The following TENM4 variants were observed in gnomAD, a reference collection of about 807,000 sequenced individuals.
The protein encoded by TENM4 is teneurin transmembrane protein 4.
A neutral mutation model predicts 243.3 loss-of-function variants in TENM4; 82 were observed. The observed-to-expected ratio is 0.34, with a 90% CI of 0.28 to 0.40. The LOEUF (loss-of-function observed/expected upper bound fraction) is 0.40, where lower values mean the gene tolerates loss of function less well. TENM4 is among the 10% of genes least tolerant of loss of function. TENM4 has a pLI of 1.00. For synonymous variants in TENM4, 1,412 were observed against 1,456.3 expected (o/e 0.97, Z 0.69); for missense variants, 3,138 against 3,673.3 (o/e 0.85, Z 3.77).
At position 79,135,779 on chromosome 11, in the gene TENM4, T is replaced by C. The variant is rs1463320394; in HGVS notation, c.-66+12931A>G. On this transcript the variant is annotated intron_variant, in intron 4 of 33. Transcript: ENST00000278550. ...TATGTATATATCATATATACATATATATGATATATATCATTATATATGTAT... is the reference window on the plus strand; with the variant it reads ...TATGTATATATCATATATACATATACATGATATATATCATTATATATGTAT... Among the ~76,000 whole-genome samples, 3 of 137,452 alleles carry C rather than the reference T, an allele frequency of 2.2e-5. No homozygotes were observed. The East Asian group carries it at 5.9e-4, about 27-fold the overall frequency. The allele number at this position is 137,452 out of a possible 152,430, so 90.2% of individuals were successfully genotyped here.
At position 78,856,176 on chromosome 11, in the gene TENM4, T is replaced by C. The variant is rs1023680759; in HGVS notation, c.1258A>G (p.Lys420Glu). Reference protein sequence around the residue: ...DRKGKGTTEGKPSSFFPEDSF... With the variant: ...DRKGKGTTEGEPSSFFPEDSF... Reference sequence around the variant, plus strand: ...TCCTCTGGAAAGAAACTACTGGGCTTTCCTACCAAGATAGAGGGAAGGGAA... The same window carrying C: ...TCCTCTGGAAAGAAACTACTGGGCTCTCCTACCAAGATAGAGGGAAGGGAA... The change falls in exon 11 of 34, where the codon AAG becomes GAG. Residue 420 changes from lysine to glutamate, a missense_variant and splice_region_variant. By Grantham distance (56) the Lys-to-Glu change is moderately conservative. Around this residue, in one of 2 missense-constraint regions of TENM4, gnomAD observed 671 missense variants for 614.1 expected, o/e 1.09. Transcript: ENST00000278550. 15 of 1,551,184 alleles carry C rather than the reference T, an allele frequency of 9.7e-6. No homozygotes were observed. Among genetic ancestry groups the C allele is most frequent in the Non-Finnish European group, 1.3e-5 (15 of 1,146,740 alleles).
chr11:79,299,119 A>T (rs1856510197), intron 1 of TENM4, among the ~76,000 whole-genome samples: 2 of 152,046 alleles, frequency 1.3e-5, no homozygotes, highest in Admixed American at 1.3e-4. Context: ...CACACAATTT[A>T]TTAAAATAAA....
chr11:79,342,812 G>A (rs1258999952), intron 1 of TENM4, among the ~76,000 whole-genome samples: 1 of 152,206 alleles, frequency 6.6e-6, no homozygotes, highest in Non-Finnish European at 1.5e-5. Context: ...CTGGATTCCA[G>A]TTGGGCTCAT....
chr11:78,866,652 C>G (rs951421405), intron 9 of TENM4, among the ~76,000 whole-genome samples: 3 of 152,142 alleles, frequency 2.0e-5, no homozygotes, highest in South Asian at 2.1e-4. Context: ...ACTGTACCCC[C>G]CTGGCAATCA....
At chr11:79,113,392 G>GGTGTGTGTGTGTGTGTGTGTGTGT (rs113144339) in intron 4 of TENM4, among the ~76,000 whole-genome samples, 11 of 145,082 alleles carry the variant, frequency 7.6e-5, no homozygotes, top group Admixed American at 7.5e-4. Flanking sequence ...CTATTGGATT[G>GGTGTGTGTGTGTGTGTGTGTGTGT]GTGTGTGTGT....
At chr11:78,977,097 C>A (rs1252231412) in intron 6 of TENM4, among the ~76,000 whole-genome samples, 1 of 152,206 alleles carries the variant, frequency 6.6e-6, no homozygotes, top group Non-Finnish European at 1.5e-5. Context: ...TTCTTTGCCT[C>A]TTCCTAGCGC....
chr11:78,713,327 A>G (rs1859445016), intron 25 of TENM4, among the ~76,000 whole-genome samples: 2 of 152,312 alleles, frequency 1.3e-5, no homozygotes, highest in South Asian at 4.2e-4. Flanking sequence ...GAACTGCAGG[A>G]TTAGTTTGTA....
intron 1 of TENM4, among the ~76,000 whole-genome samples, chr11:79,315,719 A>G (rs1046701393): frequency 6.6e-6 from 1 of 152,262 alleles, no homozygotes; most frequent in Non-Finnish European, 1.5e-5. Context: ...TCCAAGATGC[A>G]CTGCTCAAAG....
intron 7 of TENM4, 62 bp from the exon 8 acceptor site, chr11:78,891,398 G>A: frequency 6.9e-7 from 1 of 1,439,350 alleles, no homozygotes; most frequent in Non-Finnish European, 9.5e-7. Flanking sequence ...GGGGCTAGTA[G>A]AGAAACACAC....
chr11:78,685,766 A>G (rs1858651064), intron 29 of TENM4, among the ~76,000 whole-genome samples: 1 of 152,190 alleles, frequency 6.6e-6, no homozygotes, highest in South Asian at 2.1e-4. Flanking sequence ...ATGTCTGAGT[A>G]ATTGGTGGTC....
intron 2 of TENM4, among the ~76,000 whole-genome samples, chr11:79,258,615 C>T (rs535519704): frequency 6.6e-6 from 1 of 152,340 alleles, no homozygotes; most frequent in South Asian, 2.1e-4. Flanking sequence ...TATCAGCCTC[C>T]TGCACCAGGG....
chr11:78,979,948 T>C (rs1857755072), intron 6 of TENM4, among the ~76,000 whole-genome samples: 1 of 152,162 alleles, frequency 6.6e-6, no homozygotes, highest in Non-Finnish European at 1.5e-5. Flanking sequence ...GTTCCAATAA[T>C]AAAACTAGCA....
chr11:78,853,959 G>A, intron 12 of TENM4, 145 bp downstream of exon 12: 4 of 756,732 alleles, frequency 5.3e-6, no homozygotes, highest in Middle Eastern at 3.9e-4. Context: ...TGTGTAGCAG[G>A]CCCAGTCAGG....
chr11:78,830,474 G>A (rs901756662), intron 12 of TENM4, among the ~76,000 whole-genome samples: 5 of 152,222 alleles, frequency 3.3e-5, no homozygotes, highest in African/African-American at 9.7e-5. Context: ...TCAAAGGAAT[G>A]TAACGGAAAG....
intron 32 of TENM4, among the ~76,000 whole-genome samples, chr11:78,662,263 C>G (rs568438952): frequency 6.6e-6 from 1 of 151,090 alleles, no homozygotes; most frequent in East Asian, 2.0e-4. Context: ...GTGATCTTGG[C>G]TCACTGCAAC....
Position 78,805,277 on chromosome 11 carries a change from T to TGCCCCCCCACCAC in TENM4, c.2179+14_2179+15insGTGGTGGGGGGGC. ...CCCCTCCCTCTACCCATGCTTCTTC[T>TGCCCCCCCACCAC]CCCCCTGCATTTACCGATAGAACAG... On this transcript the variant is annotated intron_variant, in intron 15 of 33. Coordinates refer to ENST00000278550, the MANE Select transcript of TENM4 (RefSeq NM_001098816.3). 1 of 1,402,550 alleles carries TGCCCCCCCACCAC rather than the reference T, an allele frequency of 7.1e-7. No homozygotes were observed. Among genetic ancestry groups the TGCCCCCCCACCAC allele is most frequent in the Non-Finnish European group, 9.7e-7 (1 of 1,033,116 alleles). 86.9% of individuals were successfully genotyped at this position (1,402,550 alleles called of 1,614,324 possible).
At chr11:78,851,099 A>T (rs1026566309) in intron 12 of TENM4, among the ~76,000 whole-genome samples, 3 of 152,160 alleles carry the variant, frequency 2.0e-5, no homozygotes, top group Admixed American at 6.5e-5. Context: ...GTATTTGAGA[A>T]CCATCTGTAA....
intron 1 of TENM4, among the ~76,000 whole-genome samples, chr11:79,313,570 T>G (rs1856755735): frequency 6.6e-6 from 1 of 152,170 alleles, no homozygotes; most frequent in Non-Finnish European, 1.5e-5. Flanking sequence ...GATCTGGAAA[T>G]CAGACTCCTA....
chr11:79,168,670 A>G (rs1862972805), intron 3 of TENM4, among the ~76,000 whole-genome samples: 1 of 151,988 alleles, frequency 6.6e-6, no homozygotes, highest in African/African-American at 2.4e-5. Context: ...AATGAACACA[A>G]TTCTTCCCCC....
Sources: allele counts gnomAD v4.1 joint callset (sites outside exome capture counted in the v4.1 genomes callset), GRCh38; gene constraint gnomAD v4.1.1; regional missense constraint gnomAD v4.1.1; transcripts MANE v1.5; gene names NCBI Gene and HGNC (gene_info 2026-07-23, HGNC 2026-07-21).